EPB41L5: variants seen among roughly 807,000 people sequenced by gnomAD.
The protein encoded by EPB41L5 is erythrocyte membrane protein band 4.1 like 5, also known as band 4.1-like protein 5.
EPB41L5 carries 55 observed loss-of-function variants against 106.6 expected under a neutral mutation model. The observed-to-expected ratio is 0.52, with a 90% CI of 0.42 to 0.65. EPB41L5 has a LOEUF of 0.65. EPB41L5 is among the 30% of genes least tolerant of loss of function. The probability of loss-of-function intolerance (pLI) is 0.00; values close to 1 mark genes in which losing one functional copy is unlikely to be tolerated. For synonymous variants in EPB41L5, 297 were observed against 306.7 expected, an observed-to-expected ratio of 0.97 and a Z score of 0.33; for missense variants, 871 against 882.1, an observed-to-expected ratio of 0.99 and a Z score of 0.16.
intron 22 of EPB41L5, among the ~76,000 whole-genome samples, chr2:120,165,998 A>G (rs1687390953): frequency 6.6e-6 from 1 of 150,956 alleles, no homozygotes; most frequent in Non-Finnish European, 1.5e-5. Context: ...AAAAAAACAG[A>G]AATGACTAAC....
intron 14 of EPB41L5, among the ~76,000 whole-genome samples, chr2:120,095,771 C>T (rs1214783784): frequency 4.6e-5 from 7 of 152,016 alleles, no homozygotes; most frequent in Middle Eastern, 3.2e-3. Flanking sequence ...CAGGTTCAAG[C>T]GATTCTCCTG....
chr2:120,079,821 A>G (rs1203642005), intron 10 of EPB41L5, among the ~76,000 whole-genome samples: 1 of 152,020 alleles, frequency 6.6e-6, no homozygotes, highest in East Asian at 1.9e-4. Context: ...TTCCCTGTGG[A>G]ACTGTTTGCT....
At chr2:120,103,237 A>G (rs1367050021) in intron 16 of EPB41L5, among the ~76,000 whole-genome samples, 2 of 152,208 alleles carry the variant, frequency 1.3e-5, no homozygotes, top group Non-Finnish European at 2.9e-5. Context: ...CCTTTCTGCC[A>G]TGTCACAAGA....
intron 11 of EPB41L5, 142 bp from the exon 12 acceptor site, chr2:120,090,205 A>G (rs1410387670): frequency 5.4e-6 from 3 of 553,754 alleles, no homozygotes; most frequent in Non-Finnish European, 8.9e-6. Context: ...CTCTGCCCTT[A>G]TTATGTTGAT....
chr2:120,080,207 G>A (rs540604631), intron 10 of EPB41L5, among the ~76,000 whole-genome samples: 2 of 151,514 alleles, frequency 1.3e-5, no homozygotes, highest in Non-Finnish European at 2.9e-5. Flanking sequence ...GTGCTGCACC[G>A]ATTAACTCGT....
intron 16 of EPB41L5, among the ~76,000 whole-genome samples, chr2:120,125,192 C>T (rs1488907106): frequency 6.6e-6 from 1 of 152,146 alleles, no homozygotes; most frequent in Non-Finnish European, 1.5e-5. Flanking sequence ...TTATTGTCAG[C>T]ATAGACTCAT....
intron 18 of EPB41L5, among the ~76,000 whole-genome samples, chr2:120,134,713 G>A (rs1034967012): frequency 6.6e-6 from 1 of 152,242 alleles, no homozygotes; most frequent in African/African-American, 2.4e-5. Flanking sequence ...TAACAAGCCT[G>A]CAAGAGTCAC....
chr2:120,166,805 G>A (rs1166263221), intron 22 of EPB41L5, among the ~76,000 whole-genome samples: 1 of 152,176 alleles, frequency 6.6e-6, no homozygotes, highest in Admixed American at 6.5e-5. Context: ...TTTCTTATGA[G>A]TATGTAAGGC....
At chr2:120,107,807 G>A (rs906424622) in intron 16 of EPB41L5, among the ~76,000 whole-genome samples, 1 of 152,166 alleles carries the variant, frequency 6.6e-6, no homozygotes, top group African/African-American at 2.4e-5. Flanking sequence ...CCTTGGTGGT[G>A]TAGAAATTAG....
intron 18 of EPB41L5, among the ~76,000 whole-genome samples, chr2:120,134,496 C>G (rs1685838263): frequency 6.6e-6 from 1 of 152,210 alleles, no homozygotes; most frequent in Non-Finnish European, 1.5e-5. Context: ...AGACCCAGTA[C>G]TTCACTGGCT....
rs1256259107 is a variant in EPB41L5 at position 120,013,198 on chromosome 2, G to T, written c.-21G>T. The stretch of plus-strand genomic sequence containing the variant: ...CCGCTCTGGTCGCCGGGGCTGCGCC[G>T]TCCCCAGCTCAGGTAAGCGCGAGGC... On this transcript the variant is annotated 5_prime_UTR_variant, in exon 1 of 25. Coordinates refer to ENST00000263713, the MANE Select transcript of EPB41L5 (RefSeq NM_020909.4). The T allele has an allele frequency of 6.6e-6, 1 of 152,238 alleles. No homozygotes were observed. Among genetic ancestry groups the T allele is most frequent in the African/African-American group, 2.4e-5 (1 of 41,382 alleles). The allele number at this position is 152,238 out of a possible 1,614,324, so 9.4% of individuals were successfully genotyped here.
At chr2:120,147,406 GC>G (rs1008036032) in intron 20 of EPB41L5, among the ~76,000 whole-genome samples, 2 of 151,832 alleles carry the variant, frequency 1.3e-5, no homozygotes, top group African/African-American at 4.8e-5. Context: ...ACTTTGGATC[GC>G]CTGAGGTCAT....
At chr2:120,102,830 C>T (rs141907417) in intron 16 of EPB41L5, among the ~76,000 whole-genome samples, 1,537 of 152,212 alleles carry the variant, frequency 0.01, 40 homozygotes, top group Admixed American at 0.054. Flanking sequence ...AGAAACAATT[C>T]ATGTATTGTA....
Position 120,163,980 on chromosome 2 carries a change from C to CTTTTT in EPB41L5, c.1888-840_1888-836dup, listed in dbSNP as rs70949387. Among the ~76,000 whole-genome samples, 7 of 68,150 alleles carry CTTTTT rather than the reference C, an allele frequency of 1.0e-4. 1 individual carries two copies. Among genetic ancestry groups the CTTTTT allele is most frequent in the South Asian group, 5.6e-4 (1 of 1,786 alleles). 44.7% of individuals were successfully genotyped at this position (68,150 alleles called of 152,430 possible). On this transcript the variant is annotated intron_variant, in intron 21 of 24. Coordinates refer to ENST00000263713, the MANE Select transcript of EPB41L5 (RefSeq NM_020909.4). ...ACTTTTTTTTATTTTTTTGTATTTA[C>CTTTTT]TTTTTTTTTTTTTTTTTTTTGAGAT...
chr2:120,109,090 C>A (rs1684604387), intron 16 of EPB41L5, among the ~76,000 whole-genome samples: 1 of 152,252 alleles, frequency 6.6e-6, no homozygotes, highest in Admixed American at 6.5e-5. Flanking sequence ...ATTGGGTCTT[C>A]TTTATACACA....
intron 3 of EPB41L5, among the ~76,000 whole-genome samples, chr2:120,050,123 A>G (rs1680123479): frequency 6.6e-6 from 1 of 152,076 alleles, no homozygotes; most frequent in African/African-American, 2.4e-5. Context: ...AACTTTGGTG[A>G]ATCTGACAAT....
chr2:120,080,933 T>C (rs544030178), intron 10 of EPB41L5, among the ~76,000 whole-genome samples: 18 of 152,332 alleles, frequency 1.2e-4, no homozygotes, highest in Non-Finnish European at 2.6e-4. Flanking sequence ...TCATATCCTT[T>C]GCCCACTTTT....
In EPB41L5 at chr2:120,047,867, C is replaced by T. The variant is rs527276721; in HGVS notation, c.285+5757C>T. On this transcript the variant is annotated intron_variant, in intron 3 of 24. Transcript: ENST00000263713. The stretch of plus-strand genomic sequence containing the variant: ...CCTAGTTTATTGGGAGTTTTTAGCA[C>T]GAAGGGCTGTTGAATTTTATCAAAG... 9.2e-5 allele frequency among the ~76,000 whole-genome samples: 14 copies of T among 152,212 alleles called. 1 individual carries two copies. In the South Asian group the frequency reaches 1.7e-3, roughly 18 times the overall value.
Position 120,167,516 on chromosome 2 carries a change from A to G in EPB41L5, c.2004+9A>G. On this transcript the variant is annotated intron_variant, in intron 23 of 24. Coordinates refer to ENST00000263713, the MANE Select transcript of EPB41L5 (RefSeq NM_020909.4). ...CCCGGTGGATTGTTCCGGTAAGTTC[A>G]TGTTATTTGTGATTTTTCTTCTGGC... 1.2e-6 allele frequency: 2 copies of G among 1,613,526 alleles called. No homozygotes were observed. The highest frequency in any genetic ancestry group is 1.1e-5 in the South Asian group (1 of 91,038).
Sources: allele counts gnomAD v4.1 joint callset (sites outside exome capture counted in the v4.1 genomes callset), GRCh38; gene constraint gnomAD v4.1.1; transcripts MANE v1.5; gene names NCBI Gene and HGNC (gene_info 2026-07-23, HGNC 2026-07-21).